Variants in NPAS3 observed in about 807,000 individuals in gnomAD.
The protein encoded by NPAS3 is neuronal PAS domain protein 3.
Under a neutral mutation model 73.1 loss-of-function variants are expected in NPAS3, and 14 were observed. The observed-to-expected ratio is 0.19, with a 90% confidence interval of 0.13 to 0.30. The LOEUF (loss-of-function observed/expected upper bound fraction) is 0.30, where lower values mean the gene tolerates loss of function less well. NPAS3 is among the 10% of genes least tolerant of loss of function. The probability of loss-of-function intolerance (pLI) is 1.00; values close to 1 mark genes in which losing one functional copy is unlikely to be tolerated. For synonymous variants in NPAS3, 620 were observed against 541.5 expected (o/e 1.14, Z -2.01); for missense variants, 1,096 against 1,250.0 (o/e 0.88, Z 1.86).
chr14:33,056,030 C>A, intron 2 of NPAS3, 36 bp downstream of exon 2: 1 of 792,874 alleles, frequency 1.3e-6, no homozygotes, highest in Non-Finnish European at 2.2e-6. Flanking sequence ...CCTTCTGGCT[C>A]GTACATCAGT....
chr14:33,348,317 G>T (rs1397573740), intron 3 of NPAS3, among the ~76,000 whole-genome samples: 1 of 152,146 alleles, frequency 6.6e-6, no homozygotes, highest in Non-Finnish European at 1.5e-5. Context: ...AAAAATGAGG[G>T]TGAGGAGGCA....
chr14:32,936,994 G>A (rs1404016590), upstream of NPAS3, among the ~76,000 whole-genome samples: 3 of 144,870 alleles, frequency 2.1e-5, no homozygotes, highest in Admixed American at 7.0e-5. Context: ...TCCCTCCTTC[G>A]ATTTTTATGT....
At chr14:33,330,255 C>A (rs558444702) in intron 3 of NPAS3, among the ~76,000 whole-genome samples, 28 of 152,192 alleles carry the variant, frequency 1.8e-4, no homozygotes, top group African/African-American at 6.7e-4. Context: ...AAACAACAAC[C>A]ACAATAACAA....
chr14:33,311,394 A>G (rs1009974074), intron 3 of NPAS3, among the ~76,000 whole-genome samples: 2 of 152,198 alleles, frequency 1.3e-5, no homozygotes, highest in Admixed American at 1.3e-4. Context: ...ATTAGTGGTC[A>G]TAAGTATTAT....
intron 2 of NPAS3, among the ~76,000 whole-genome samples, chr14:33,203,534 A>G (rs2139603538): frequency 1.3e-5 from 2 of 151,896 alleles, no homozygotes. Flanking sequence ...AAGTGTTCTC[A>G]TTGTTCATTT....
chr14:33,715,626 A>AT (rs1310102511), intron 6 of NPAS3, among the ~76,000 whole-genome samples: 2 of 152,164 alleles, frequency 1.3e-5, no homozygotes, highest in Admixed American at 6.5e-5. Context: ...TGTATGCTTA[A>AT]TTTGGGCTAC....
intron 3 of NPAS3, among the ~76,000 whole-genome samples, chr14:33,224,699 C>A (rs543242875): frequency 6.6e-6 from 1 of 152,150 alleles, no homozygotes; most frequent in South Asian, 2.1e-4. Flanking sequence ...TCCCTTTTCC[C>A]CATTTACATT....
chr14:33,205,700 T>C (rs977221890), intron 2 of NPAS3, among the ~76,000 whole-genome samples: 2 of 152,196 alleles, frequency 1.3e-5, no homozygotes, highest in Non-Finnish European at 2.9e-5. Context: ...TGAAGTATAA[T>C]GGTGTGTTCC....
In NPAS3 at chr14:33,370,877, C is replaced by T. The variant is rs147858285; in HGVS notation, c.468+3609C>T. Among the ~76,000 whole-genome samples, 701 of 152,164 alleles carry T rather than the reference C, an allele frequency of 4.6e-3. 7 individuals are homozygous for T. The highest frequency in any genetic ancestry group is 0.016 in the African/African-American group (659 of 41,512). ...TCTGATTCTACTACCTGAGAGAAGTCGAGAGGGATGGTCTATTAAATAGCC... is the reference window on the plus strand; with the variant it reads ...TCTGATTCTACTACCTGAGAGAAGTTGAGAGGGATGGTCTATTAAATAGCC... On this transcript the variant is annotated intron_variant, in intron 4 of 11. Transcript: ENST00000356141.
At chr14:33,692,709 G>A (rs2060265830) in intron 6 of NPAS3, among the ~76,000 whole-genome samples, 1 of 151,952 alleles carries the variant, frequency 6.6e-6, no homozygotes, top group South Asian at 2.1e-4. Context: ...AGGAGACTAA[G>A]CAGAGTTTTT....
intron 6 of NPAS3, among the ~76,000 whole-genome samples, chr14:33,720,513 C>T (rs1262220587): frequency 6.6e-6 from 1 of 152,156 alleles, no homozygotes; most frequent in East Asian, 1.9e-4. Flanking sequence ...TGTTAGTGAA[C>T]AGGTTAGAAA....
intron 1 of NPAS3, among the ~76,000 whole-genome samples, chr14:33,053,208 A>C (rs775149981): frequency 1.3e-5 from 2 of 152,182 alleles, no homozygotes; most frequent in Non-Finnish European, 2.9e-5. Context: ...CAGATGGTGG[A>C]AAATCCATTC....
intron 1 of NPAS3, among the ~76,000 whole-genome samples, chr14:32,997,825 C>T (rs1438392927): frequency 6.6e-6 from 1 of 151,864 alleles, no homozygotes; most frequent in Non-Finnish European, 1.5e-5. Context: ...TGTGAGGCTT[C>T]CCTGGCCACG....
intron 7 of NPAS3, among the ~76,000 whole-genome samples, chr14:33,762,329 A>G (rs889426924): frequency 6.6e-6 from 1 of 152,064 alleles, no homozygotes; most frequent in African/African-American, 2.4e-5. Context: ...TGAGCATATT[A>G]AAGTTTTTCT....
chr14:33,141,314 G>A (rs1333285124), intron 2 of NPAS3, among the ~76,000 whole-genome samples: 2 of 152,172 alleles, frequency 1.3e-5, no homozygotes, highest in Non-Finnish European at 2.9e-5. Context: ...ATGATGATGG[G>A]TGTGAGCTAT....
rs549059821 is a variant in NPAS3 at position 33,166,092 on chromosome 14, G to A, written c.141-49090G>A. 5.3e-5 allele frequency among the ~76,000 whole-genome samples: 8 copies of A among 152,322 alleles called. No homozygotes were observed. In the East Asian group the frequency reaches 1.5e-3, roughly 29 times the overall value. On this transcript the variant is annotated intron_variant, in intron 2 of 11. Coordinates refer to ENST00000356141, the Ensembl canonical transcript of NPAS3. ...CTTCCACTACTGTCGGTGCTGTGCT[G>A]TTGATAAGCTGTCAGACCGGCCTCA...
At chr14:33,694,801 C>T (rs761660551) in intron 6 of NPAS3, among the ~76,000 whole-genome samples, 1 of 152,182 alleles carries the variant, frequency 6.6e-6, no homozygotes, top group Non-Finnish European at 1.5e-5. Flanking sequence ...AGCAAGACCA[C>T]CTAAATGAGA....
chr14:33,711,101 A>T (rs1043361049), intron 6 of NPAS3, among the ~76,000 whole-genome samples: 2 of 152,182 alleles, frequency 1.3e-5, no homozygotes, highest in African/African-American at 2.4e-5. Context: ...TTACCAGACG[A>T]GGATTTGTTG....
At chr14:32,985,866 G>T (rs911237257) in intron 1 of NPAS3, among the ~76,000 whole-genome samples, 1 of 152,184 alleles carries the variant, frequency 6.6e-6, no homozygotes, top group Non-Finnish European at 1.5e-5. Context: ...TGGTGAGCGA[G>T]GATGGATTTA....
Sources: allele counts gnomAD v4.1 joint callset (sites outside exome capture counted in the v4.1 genomes callset), GRCh38; gene constraint gnomAD v4.1.1; transcripts MANE v1.5; gene names NCBI Gene and HGNC (gene_info 2026-07-23, HGNC 2026-07-21).